Variants in BBX observed in about 807,000 individuals in gnomAD.
The protein encoded by BBX is BBX high mobility group box domain containing.
Under a neutral mutation model 100.2 loss-of-function variants are expected in BBX, and 30 were observed. The observed-to-expected ratio is 0.30, with a 90% CI of 0.22 to 0.41. The LOEUF is 0.41. BBX is among the 10% of genes least tolerant of loss of function. The pLI is 1.00. For missense variants in BBX, 1,023 were observed against 1,129.8 expected (o/e 0.91, Z 1.35); for synonymous variants, 376 against 388.1 (o/e 0.97, Z 0.37).
intron 7 of BBX, among the ~76,000 whole-genome samples, chr3:107,739,774 C>G (rs1291222993): frequency 1.3e-5 from 2 of 152,124 alleles, no homozygotes; most frequent in Admixed American, 6.6e-5. Context: ...TACACTGTTG[C>G]ATTTTATTCT....
intron 2 of BBX, among the ~76,000 whole-genome samples, chr3:107,549,996 A>G (rs2049541152): frequency 6.6e-6 from 1 of 151,750 alleles, no homozygotes; most frequent in African/African-American, 2.4e-5. Context: ...ATGGGAATAA[A>G]TACTTTCTTT....
chr3:107,526,430 A>G, intron 2 of BBX, 32 bp downstream of exon 2: 1 of 398,546 alleles, frequency 2.5e-6, no homozygotes, highest in Non-Finnish European at 4.4e-6. Flanking sequence ...ACAGGGAAGC[A>G]GGATGACAAT....
Position 107,806,008 on chromosome 3 carries a change from C to T in BBX, c.*551C>T, listed in dbSNP as rs1245965861. On this transcript the variant is annotated 3_prime_UTR_variant, in exon 18 of 18. Coordinates refer to ENST00000325805, the MANE Select transcript of BBX (RefSeq NM_001142568.3). ...TTAAAAAGCCTGTTCCAGAGACTCC[C>T]AAGCAGCCTGGGCAGGCAGATGTAC... The T allele has an allele frequency of 2.0e-5, 3 of 151,976 alleles. No individual in the cohort carries two copies. Among genetic ancestry groups the T allele is most frequent in the African/African-American group, 7.3e-5 (3 of 41,322 alleles). 9.4% of individuals were successfully genotyped at this position (151,976 alleles called of 1,614,324 possible).
At chr3:107,684,123 C>T (rs761526198) in intron 3 of BBX, among the ~76,000 whole-genome samples, 5 of 152,140 alleles carry the variant, frequency 3.3e-5, no homozygotes, top group Non-Finnish European at 7.4e-5. Context: ...TCTAAATTCC[C>T]TTCAGCAATA....
intron 10 of BBX, among the ~76,000 whole-genome samples, chr3:107,758,892 C>G (rs560541877): frequency 1.3e-5 from 2 of 152,268 alleles, no homozygotes; most frequent in Admixed American, 1.3e-4. Flanking sequence ...GGAACCAGCC[C>G]CAAACTAACT....
At chr3:107,780,324 T>A (rs1270674258) in intron 13 of BBX, among the ~76,000 whole-genome samples, 1 of 152,118 alleles carries the variant, frequency 6.6e-6, no homozygotes, top group Non-Finnish European at 1.5e-5. Context: ...AGCTTTGAAG[T>A]TGGCTGAATT....
intron 6 of BBX, among the ~76,000 whole-genome samples, 200 bp downstream of exon 6, chr3:107,729,160 G>T (rs2063156531): frequency 6.6e-6 from 1 of 152,104 alleles, no homozygotes; most frequent in African/African-American, 2.4e-5. Flanking sequence ...GGCCTCAGTG[G>T]TAGTGTCATT....
chr3:107,635,999 C>T (rs565535716), intron 2 of BBX, among the ~76,000 whole-genome samples: 2 of 152,292 alleles, frequency 1.3e-5, no homozygotes, highest in South Asian at 2.1e-4. Context: ...CGTTAGCCAC[C>T]GTGCCCGGAG....
intron 15 of BBX, among the ~76,000 whole-genome samples, chr3:107,792,925 T>G (rs1486978058): frequency 6.6e-6 from 1 of 152,190 alleles, no homozygotes; most frequent in Non-Finnish European, 1.5e-5. Context: ...CCAGAGCAAG[T>G]GCAGTGTGGT....
chr3:107,568,245 C>T (rs539909030), intron 2 of BBX, among the ~76,000 whole-genome samples: 2 of 150,078 alleles, frequency 1.3e-5, no homozygotes, highest in African/African-American at 4.9e-5. Flanking sequence ...TCAGTTATGT[C>T]AGATTCTCTA....
chr3:107,658,624 G>A (rs956445483), intron 3 of BBX, among the ~76,000 whole-genome samples: 2 of 152,062 alleles, frequency 1.3e-5, no homozygotes, highest in African/African-American at 4.8e-5. Flanking sequence ...TTCAGAGAAT[G>A]GTGGTAAAGA....
rs756762710 is a variant in BBX at position 107,772,916 on chromosome 3, G to C, written c.1195G>C (p.Glu399Gln). 7 of 1,611,548 alleles carry C rather than the reference G, an allele frequency of 4.3e-6. No homozygotes were observed. In the East Asian group the frequency reaches 1.6e-4, roughly 36 times the overall value. ...PKEIRKEELE[E>Q]DHKCSHFPDF... The stretch of plus-strand genomic sequence containing the variant: ...AGAAATTAGAAAGGAAGAGTTAGAA[G>C]AAGATCACAAATGTAGTCATTTTCC... Residue 399 changes from glutamate to glutamine, a missense_variant, in exon 11 of 18, where the codon GAA becomes CAA. This residue lies in a region of BBX where 348 missense variants were observed against 353.2 expected (regional missense o/e 0.99). Coordinates refer to ENST00000325805, the MANE Select transcript of BBX (RefSeq NM_001142568.3).
chr3:107,654,042 T>C (rs1222804982), intron 3 of BBX, among the ~76,000 whole-genome samples: 1 of 152,198 alleles, frequency 6.6e-6, no homozygotes, highest in East Asian at 1.9e-4. Context: ...GTTTTCAGCA[T>C]TGTTAGAGTT....
At chr3:107,598,195 G>A (rs892471430) in intron 2 of BBX, among the ~76,000 whole-genome samples, 1 of 152,164 alleles carries the variant, frequency 6.6e-6, no homozygotes, top group African/African-American at 2.4e-5. Flanking sequence ...TTTCTAGGGG[G>A]TGTGTGTGTA....
rs2067854090 is a variant in BBX, at chr3:107,781,229, G to C, written c.2203+2710G>C. On this transcript the variant is annotated intron_variant, in intron 13 of 17. Coordinates refer to ENST00000325805, the MANE Select transcript of BBX (RefSeq NM_001142568.3). ...ATATTCGTATCTGTATTTCTAAGGA[G>C]TCTCTTCCTGTCTTTCCCATGGTCA... 2.6e-5 allele frequency among the ~76,000 whole-genome samples: 4 copies of C among 152,006 alleles called. 1 individual carries two copies. The South Asian group carries it at 8.3e-4, about 32-fold the overall frequency.
intron 10 of BBX, among the ~76,000 whole-genome samples, chr3:107,764,180 CAG>C (rs952773711): frequency 1.3e-5 from 2 of 152,100 alleles, no homozygotes; most frequent in African/African-American, 4.8e-5. Flanking sequence ...CCAGTAGAGA[CAG>C]GGTTTCACCG....
intron 13 of BBX, among the ~76,000 whole-genome samples, chr3:107,789,190 A>G (rs1048296178): frequency 2.6e-5 from 4 of 152,110 alleles, no homozygotes; most frequent in Admixed American, 2.6e-4. Flanking sequence ...AAAAAAAAAA[A>G]TCTCAATTTT....
intron 2 of BBX, among the ~76,000 whole-genome samples, chr3:107,644,981 T>A (rs1164291896): frequency 6.6e-6 from 1 of 152,140 alleles, no homozygotes; most frequent in Non-Finnish European, 1.5e-5. Context: ...TGATATTATA[T>A]TGATAGAGCC....
intron 10 of BBX, among the ~76,000 whole-genome samples, chr3:107,769,227 T>TAGATAGACAGAC (rs776680873): frequency 1.2e-4 from 11 of 89,862 alleles, no homozygotes; most frequent in African/African-American, 2.3e-4. Flanking sequence ...GATAGATAGA[T>TAGATAGACAGAC]AGACAGATAG....
Sources: allele counts gnomAD v4.1 joint callset (sites outside exome capture counted in the v4.1 genomes callset), GRCh38; gene constraint gnomAD v4.1.1; regional missense constraint gnomAD v4.1.1; transcripts MANE v1.5; gene names NCBI Gene and HGNC (gene_info 2026-07-23, HGNC 2026-07-21).